ZNF518B: variants seen among roughly 807,000 people sequenced by gnomAD.
ZNF518B encodes zinc finger protein 518B.
In ZNF518B, 23 loss-of-function variants were observed where a neutral mutation model predicts 56.3. The observed-to-expected ratio is 0.41, with a 90% CI of 0.29 to 0.58. The LOEUF (loss-of-function observed/expected upper bound fraction) is 0.58, where lower values mean the gene tolerates loss of function less well. Ranked by LOEUF, ZNF518B falls within the 20% of genes least tolerant of loss-of-function variation. The pLI is 0.32. For missense variants in ZNF518B, 1,460 were observed against 1,272.1 expected, an observed-to-expected ratio of 1.15 and a Z score of -2.25; for synonymous variants, 529 against 465.9, an observed-to-expected ratio of 1.14 and a Z score of -1.74.
Position 10,442,518 on chromosome 4 carries a change from TA to T in ZNF518B, c.*585del, listed in dbSNP as rs1445694619. The T allele has an allele frequency of 6.6e-6, 1 of 152,186 alleles. No homozygotes were observed. The highest frequency in any genetic ancestry group is 1.9e-4 in the East Asian group (1 of 5,198). The allele number at this position is 152,186 out of a possible 1,614,324, so 9.4% of individuals were successfully genotyped here. A position where few individuals can be genotyped will look rare whatever the true frequency, so the allele number is the denominator to read the frequency against. On this transcript the variant is annotated 3_prime_UTR_variant, in exon 3 of 3. Transcript: ENST00000326756. ...TGAAAACATTCTTTAAAATGGCCAG[TA>T]AAAGCAAAACTCTTTGTGCTATACG...
Position 10,443,270 on chromosome 4 carries a change from T to C in ZNF518B, c.3059A>G (p.Asn1020Ser). The change falls in exon 3 of 3, where the codon AAC becomes AGC. Residue 1020 changes from asparagine to serine, a missense_variant. Physicochemically the swap from Asn to Ser is conservative, Grantham distance 46 (BLOSUM62 1). Transcript: ENST00000326756. ...AGGCAAGGAATCCACTACCTGGTAG[T>C]TGTTTTTATGAACTTTTTTGAGTTT... The part of the protein sequence containing the change: ...KMKLKKVHKN[N>S]YQVVDSLPDD... 1 of 1,614,204 alleles carries C rather than the reference T, an allele frequency of 6.2e-7. No individual in the cohort carries two copies. Among genetic ancestry groups the C allele is most frequent in the Middle Eastern group, 1.6e-4 (1 of 6,062 alleles).
At position 10,444,568 on chromosome 4, in the gene ZNF518B, G is replaced by C; in HGVS notation, c.1761C>G (p.Gly587=). ...TEEHKAVSTV[G]QISSQHKSEY... is the part of the protein sequence containing the mutation. Reference sequence around the variant, plus strand: ...CACTCTTATGTTGAGAGGAAATCTGGCCTACAGTTGAAACTGCCTTGTGTT... The same window carrying C: ...CACTCTTATGTTGAGAGGAAATCTGCCCTACAGTTGAAACTGCCTTGTGTT... Residue 587 remains glycine, a synonymous_variant, in exon 3 of 3, where the codon GGC becomes GGG. Transcript: ENST00000326756. 1.2e-6 allele frequency: 2 copies of C among 1,614,086 alleles called. No homozygotes were observed. Among genetic ancestry groups the C allele is most frequent in the South Asian group, 2.2e-5 (2 of 91,080 alleles).
In ZNF518B at chr4:10,442,816, C is replaced by A. The variant is rs1714741533; in HGVS notation, c.*288G>T. The A allele has an allele frequency of 5.7e-6, 2 of 347,852 alleles. No homozygotes were observed. The highest frequency in any genetic ancestry group is 1.0e-5 in the Non-Finnish European group (2 of 191,056). 21.5% of individuals were successfully genotyped at this position (347,852 alleles called of 1,614,324 possible). A position where few individuals can be genotyped will look rare whatever the true frequency, so the allele number is the denominator to read the frequency against. On this transcript the variant is annotated 3_prime_UTR_variant, in exon 3 of 3. Transcript: ENST00000326756. ...TGTACTCAGAAAACGGGGTGCTAAACAAAGAAAAGTCTCAGATCCCACTGA... is the reference window on the plus strand; with the variant it reads ...TGTACTCAGAAAACGGGGTGCTAAAAAAAGAAAAGTCTCAGATCCCACTGA...
At chr4:10,458,394 G>A (rs987472574), upstream of ZNF518B, among the ~76,000 whole-genome samples, 1 of 152,214 alleles carries the variant, frequency 6.6e-6, no homozygotes, top group Admixed American at 6.5e-5. Context: ...GCGGCCAAAG[G>A]TCGGCGTGCA....
Position 10,440,101 on chromosome 4 carries a change from C to T in ZNF518B, c.*3003G>A, listed in dbSNP as rs1714604883. The stretch of plus-strand genomic sequence containing the variant: ...CAAAGGCCGAGCAACATCACATCTT[C>T]AACTTCTGAGATGGATTATATATAA... On this transcript the variant is annotated 3_prime_UTR_variant, in exon 3 of 3. Coordinates refer to ENST00000326756, the MANE Select transcript of ZNF518B (RefSeq NM_053042.3). 6.6e-6 allele frequency: 1 copy of T among 152,532 alleles called. No individual in the cohort carries two copies. 9.4% of individuals were successfully genotyped at this position (152,532 alleles called of 1,614,324 possible). A position where few individuals can be genotyped will look rare whatever the true frequency, so the allele number is the denominator to read the frequency against.
Position 10,446,590 on chromosome 4 carries a change from G to C in ZNF518B, c.-211-51C>G, listed in dbSNP as rs115584273. 4.0e-3 allele frequency: 1,549 copies of C among 382,926 alleles called. 20 individuals carry two copies. The highest frequency in any genetic ancestry group is 0.029 in the African/African-American group (1,432 of 49,548). The allele number at this position is 382,926 out of a possible 1,614,324, so 23.7% of individuals were successfully genotyped here. On this transcript the variant is annotated intron_variant, in intron 2 of 2. Coordinates refer to ENST00000326756, the MANE Select transcript of ZNF518B (RefSeq NM_053042.3). Reference sequence around the variant, plus strand: ...ATGATTAATATAAGAGTTTGGCTAAGCTATTAACAAACTTATCCTATATTT... The same window carrying C: ...ATGATTAATATAAGAGTTTGGCTAACCTATTAACAAACTTATCCTATATTT...
Position 10,440,235 on chromosome 4 carries a change from T to C in ZNF518B, c.*2869A>G, listed in dbSNP as rs1560165459. On this transcript the variant is annotated 3_prime_UTR_variant, in exon 3 of 3. Transcript: ENST00000326756. ...TGAAGGCTTACAAGATGTTCTCGAC[T>C]GGGGATACAAAATTGAATATAATAT... The C allele has an allele frequency of 6.6e-6, 1 of 152,074 alleles. No homozygotes were observed. Among genetic ancestry groups the C allele is most frequent in the Non-Finnish European group, 1.5e-5 (1 of 67,998 alleles). The allele number at this position is 152,074 out of a possible 1,614,324, so 9.4% of individuals were successfully genotyped here.
chr4:10,443,088 A>C lies in ZNF518B; in HGVS notation c.*16T>G. Reference sequence around the variant, plus strand: ...ATAAACTAAAAGATAACTTGCTTTAAAGAGTAACTGTTTACTTATTTGCCC... The same window carrying C: ...ATAAACTAAAAGATAACTTGCTTTACAGAGTAACTGTTTACTTATTTGCCC... On this transcript the variant is annotated 3_prime_UTR_variant, in exon 3 of 3. Coordinates refer to ENST00000326756, the MANE Select transcript of ZNF518B (RefSeq NM_053042.3). 6.3e-7 allele frequency: 1 copy of C among 1,595,212 alleles called. No individual in the cohort carries two copies. Among genetic ancestry groups the C allele is most frequent in the Non-Finnish European group, 8.5e-7 (1 of 1,170,922 alleles).
upstream of ZNF518B, among the ~76,000 whole-genome samples, chr4:10,459,272 T>C (rs952872176): frequency 3.3e-5 from 5 of 151,942 alleles, no homozygotes; most frequent in African/African-American, 1.2e-4. Context: ...GGAAATGGAG[T>C]GTTTACAGCC....
rs182922734 is a variant in ZNF518B at position 10,443,230 on chromosome 4, C to T, written c.3099G>A (p.Gln1033=). Residue 1033 remains glutamine (Q), a synonymous_variant, in exon 3 of 3, where the codon CAG becomes CAA. Coordinates refer to ENST00000326756, the MANE Select transcript of ZNF518B (RefSeq NM_053042.3). The part of the protein sequence containing the change: ...VVDSLPDDSS[Q]CVFKCWFCGR... Reference sequence around the variant, plus strand: ...CACAAAACCAGCACTTAAATACACACTGTGAAGAATCATCAGGCAAGGAAT... The same window carrying T: ...CACAAAACCAGCACTTAAATACACATTGTGAAGAATCATCAGGCAAGGAAT... 6.0e-5 allele frequency: 97 copies of T among 1,614,210 alleles called. 1 individual carries two copies. In the East Asian group the frequency reaches 2.0e-3, roughly 34 times the overall value.
chr4:10,442,999 G>T lies in ZNF518B; in HGVS notation c.*105C>A. On this transcript the variant is annotated 3_prime_UTR_variant, in exon 3 of 3. Coordinates refer to ENST00000326756, the MANE Select transcript of ZNF518B (RefSeq NM_053042.3). ...TTCCTACAGTTCTGAAGAATTAGCA[G>T]TCCTCTCATTTCTACAGTCTGTATT... 1.0e-6 allele frequency: 1 copy of T among 1,004,224 alleles called. No homozygotes were observed. The highest frequency in any genetic ancestry group is 1.4e-6 in the Non-Finnish European group (1 of 696,032). 62.2% of individuals were successfully genotyped at this position (1,004,224 alleles called of 1,614,324 possible). A position where few individuals can be genotyped will look rare whatever the true frequency, so the allele number is the denominator to read the frequency against.
At chr4:10,459,137 G>T (rs1390876644), upstream of ZNF518B, among the ~76,000 whole-genome samples, 1 of 152,144 alleles carries the variant, frequency 6.6e-6, no homozygotes, top group Non-Finnish European at 1.5e-5. Context: ...TCCCAAGGGG[G>T]TTGTCAACAT....
At position 10,443,272 on chromosome 4, in the gene ZNF518B, G is replaced by A. The variant is rs1293117912; in HGVS notation, c.3057C>T (p.Asn1019=). 2 of 1,614,028 alleles carry A rather than the reference G, an allele frequency of 1.2e-6. No individual in the cohort carries two copies. Among genetic ancestry groups the A allele is most frequent in the East Asian group, 4.5e-5 (2 of 44,898 alleles). ...GCAAGGAATCCACTACCTGGTAGTT[G>A]TTTTTATGAACTTTTTTGAGTTTCA... is the stretch of plus-strand genomic sequence containing the variant. ...LKMKLKKVHK[N]NYQVVDSLPD... The change falls in exon 3 of 3, where the codon AAC becomes AAT. Residue 1019 remains asparagine, a synonymous_variant. Transcript: ENST00000326756.
chr4:10,458,205 C>G (rs1715629357), upstream of ZNF518B, among the ~76,000 whole-genome samples: 1 of 152,204 alleles, frequency 6.6e-6, no homozygotes. Flanking sequence ...ACCATATTGC[C>G]AGGTCCCGCA....
At position 10,443,669 on chromosome 4, in the gene ZNF518B, C is replaced by G; in HGVS notation, c.2660G>C (p.Ser887Thr). The G allele has an allele frequency of 6.2e-7, 1 of 1,614,014 alleles. No homozygotes were observed. The highest frequency in any genetic ancestry group is 8.5e-7 in the Non-Finnish European group (1 of 1,179,952). ...GTGTACTTGTTTGGTTTTATTTCTA[C>G]TTATAGAAAGACTTCTGGAAAGCAG... ...GRLLSRSLSI[S>T]RNKTKQVHLS... Residue 887 changes from serine (S) to threonine (T), a missense_variant, in exon 3 of 3, where the codon AGT becomes ACT. Coordinates refer to ENST00000326756, the MANE Select transcript of ZNF518B (RefSeq NM_053042.3).
chr4:10,456,507 G>GC (rs1317822060), intron 1 of ZNF518B, among the ~76,000 whole-genome samples: 1 of 151,978 alleles, frequency 6.6e-6, no homozygotes, highest in African/African-American at 2.4e-5. Context: ...CTATGTCCTC[G>GC]CCCCCCGTAA....
chr4:10,443,199 G>A lies in ZNF518B; in HGVS notation c.3130C>T (p.Leu1044=). The A allele has an allele frequency of 1.2e-6, 2 of 1,614,198 alleles. No individual in the cohort carries two copies. Among genetic ancestry groups the A allele is most frequent in the Non-Finnish European group, 1.7e-6 (2 of 1,180,042 alleles). Residue 1044 remains leucine, a synonymous_variant, in exon 3 of 3, where the codon CTG becomes TTG. Transcript: ENST00000326756. ...CVFKCWFCGR[L]YEDQEEWMSH... ...ATCCACTCTTCCTGGTCTTCATACA[G>A]TCGCCCACAAAACCAGCACTTAAAT...
chr4:10,456,879 G>A (rs1399237406), intron 1 of ZNF518B, among the ~76,000 whole-genome samples: 2 of 151,994 alleles, frequency 1.3e-5, no homozygotes, highest in African/African-American at 2.4e-5. Flanking sequence ...ATAACGCTGG[G>A]GGCGGGGAGC....
At chr4:10,459,547 AACACGGTCTTTACAGATGTAAG>A (rs1237599135), upstream of ZNF518B, among the ~76,000 whole-genome samples, 1 of 152,180 alleles carries the variant, frequency 6.6e-6, no homozygotes, top group Admixed American at 6.5e-5. Flanking sequence ...CTTATTTGGA[AACACGGTCTTTACAGATGTAAG>A]ACAAGGTCAT....
Sources: gnomAD v4.1 joint callset for allele counts (sites outside exome capture counted in the v4.1 genomes callset) on GRCh38, gnomAD v4.1.1 for gene constraint, MANE v1.5 for transcripts, NCBI Gene and HGNC (gene_info 2026-07-23, HGNC 2026-07-21) for gene names.